The following DOCK5 variants were observed in gnomAD, a reference collection of about 807,000 sequenced individuals.
DOCK5 encodes the protein dedicator of cytokinesis 5, also known as dedicator of cytokinesis protein 5.
DOCK5 carries 142 observed loss-of-function variants against 251.8 expected under a neutral mutation model. The ratio of observed to expected loss-of-function variants is 0.56; its 90% confidence interval spans 0.49 to 0.65. The LOEUF is 0.65. Ranked by LOEUF, DOCK5 falls within the 30% of genes least tolerant of loss-of-function variation. The probability of loss-of-function intolerance (pLI) is 0.00; values close to 1 mark genes in which losing one functional copy is unlikely to be tolerated. For missense variants in DOCK5, 2,111 were observed against 2,312.3 expected (o/e 0.91, Z 1.79); for synonymous variants, 842 against 835.5 (o/e 1.01, Z -0.13).
chr8:25,372,049 G>A (rs1370058799), intron 34 of DOCK5, among the ~76,000 whole-genome samples: 1 of 152,220 alleles, frequency 6.6e-6, no homozygotes, highest in African/African-American at 2.4e-5. Flanking sequence ...CCGCATTGCA[G>A]GAGATGTACT....
Position 25,396,807 on chromosome 8 carries a change from A to G in DOCK5, c.4704+1088A>G, listed in dbSNP as rs544024300. Among the ~76,000 whole-genome samples, 12 of 139,694 alleles carry G rather than the reference A, an allele frequency of 8.6e-5. No individual in the cohort carries two copies. In the East Asian group the frequency reaches 2.3e-3, roughly 27 times the overall value. 91.6% of individuals were successfully genotyped at this position (139,694 alleles called of 152,430 possible). On this transcript the variant is annotated intron_variant, in intron 45 of 51. Transcript: ENST00000276440. ...GTGTGTGTGTGTGTGTGTCCCGGGA[A>G]GAGCAGGAGCTTTGCACTCAGTTGC...
In DOCK5 at chr8:25,275,413, T is replaced by A; in HGVS notation, c.196T>A (p.Leu66Met). 1 of 1,609,980 alleles carries A rather than the reference T, an allele frequency of 6.2e-7. No individual in the cohort carries two copies. Among genetic ancestry groups the A allele is most frequent in the African/African-American group, 1.3e-5 (1 of 74,698 alleles). ...KGIFPETYIH[L>M]KEATVEDLGQ... is the part of the protein sequence containing the mutation. Reference sequence around the variant, plus strand: ...CATTTTCCCTGAAACATATATCCATTTGAAAGAGGCAACTGTGGAAGACCT... The same window carrying A: ...CATTTTCCCTGAAACATATATCCATATGAAAGAGGCAACTGTGGAAGACCT... The change falls in exon 4 of 52, where the codon TTG becomes ATG. Residue 66 changes from leucine (L) to methionine (M), a missense_variant. Leu to Met is a conservative substitution (Grantham distance 15, BLOSUM62 2). Coordinates refer to ENST00000276440, the MANE Select transcript of DOCK5 (RefSeq NM_024940.8).
rs568201406 is a variant in DOCK5, at chr8:25,248,774, C to T, written c.127+5017C>T. Among the ~76,000 whole-genome samples the T allele has an allele frequency of 1.7e-4, 26 of 152,168 alleles. No individual in the cohort carries two copies. The South Asian group carries it at 4.2e-3, about 24-fold the overall frequency. ...CTGTGCCTCCCTAGCTCCTGGTATA[C>T]GGCAGGTGCTCAGCAACAATCTATT... On this transcript the variant is annotated intron_variant, in intron 2 of 51. Transcript: ENST00000276440.
intron 37 of DOCK5, chr8:25,376,395 T>C (rs1346934373): frequency 1.0e-6 from 1 of 983,550 alleles, no homozygotes; most frequent in Non-Finnish European, 1.2e-6. Flanking sequence ...ATTCTTATTT[T>C]GGGGGGAGGG....
intron 2 of DOCK5, among the ~76,000 whole-genome samples, chr8:25,259,056 G>A (rs1165459590): frequency 6.6e-6 from 1 of 152,188 alleles, no homozygotes; most frequent in Non-Finnish European, 1.5e-5. Context: ...GGGGGCGGAG[G>A]TTGCAGTGAG....
chr8:25,214,814 C>A (rs1802195556), intron 1 of DOCK5, among the ~76,000 whole-genome samples: 1 of 152,146 alleles, frequency 6.6e-6, no homozygotes, highest in Non-Finnish European at 1.5e-5. Context: ...GCGAGAGAGC[C>A]CCATCTGTCC....
intron 42 of DOCK5, 29 bp downstream of exon 42, chr8:25,390,316 A>G (rs1170324972): frequency 6.5e-7 from 1 of 1,536,484 alleles, no homozygotes; most frequent in East Asian, 2.4e-5. Context: ...AAAAAAAAAA[A>G]AAATCTGTGT....
Position 25,334,121 on chromosome 8 carries a change from A to C in DOCK5, c.2117A>C (p.Asp706Ala). ...ALVFIISLIG[D>A]IKFQHFNPVL... ...GTATTTATTATTTCACTGATAGGAG[A>C]CATCAAGTTCCAGCATTTTAATCCT... The change falls in exon 21 of 52, where the codon GAC becomes GCC. Residue 706 changes from aspartate (D) to alanine (A), a missense_variant. Coordinates refer to ENST00000276440, the MANE Select transcript of DOCK5 (RefSeq NM_024940.8). The C allele has an allele frequency of 6.2e-7, 1 of 1,613,822 alleles. No homozygotes were observed. Among genetic ancestry groups the C allele is most frequent in the Non-Finnish European group, 8.5e-7 (1 of 1,179,774 alleles).
Position 25,345,627 on chromosome 8 carries a change from A to G in DOCK5, c.2754+16A>G, listed in dbSNP as rs746428629. On this transcript the variant is annotated intron_variant, in intron 26 of 51. Coordinates refer to ENST00000276440, the MANE Select transcript of DOCK5 (RefSeq NM_024940.8). Reference sequence around the variant, plus strand: ...GAAGGATGTGGTGAGTTGAGTCATCACTGATGCTGCACAGAGTTCACACTG... The same window carrying G: ...GAAGGATGTGGTGAGTTGAGTCATCGCTGATGCTGCACAGAGTTCACACTG... 19 of 1,613,140 alleles carry G rather than the reference A, an allele frequency of 1.2e-5. No homozygotes were observed. In the Admixed American group the frequency reaches 3.0e-4, roughly 25 times the overall value.
rs200837761 is a variant in DOCK5 at position 25,217,187 on chromosome 8, G to T, written c.44-26487G>T. 4.0e-3 allele frequency among the ~76,000 whole-genome samples: 583 copies of T among 146,590 alleles called. 3 individuals are homozygous for T. The highest frequency in any genetic ancestry group is 7.3e-3 in the Middle Eastern group (2 of 274). On this transcript the variant is annotated intron_variant, in intron 1 of 51. Transcript: ENST00000276440. ...CTTTCCTGTTGTAGGGAGAGAGAGAGATATATATATATATACACATACACA... is the reference window on the plus strand; with the variant it reads ...CTTTCCTGTTGTAGGGAGAGAGAGATATATATATATATATACACATACACA...
intron 26 of DOCK5, among the ~76,000 whole-genome samples, chr8:25,345,912 C>T (rs898967351): frequency 5.9e-5 from 9 of 152,028 alleles, no homozygotes; most frequent in Admixed American, 4.6e-4. Flanking sequence ...TGCAGTGGCG[C>T]GATCTCGGCT....
At chr8:25,302,847 AG>A (rs1269779924) in intron 10 of DOCK5, among the ~76,000 whole-genome samples, 1 of 152,210 alleles carries the variant, frequency 6.6e-6, no homozygotes, top group Admixed American at 6.5e-5. Context: ...CACCTATATG[AG>A]GCACCTAGAG....
At chr8:25,379,997 G>A (rs1464432118) in intron 38 of DOCK5, among the ~76,000 whole-genome samples, 1 of 152,158 alleles carries the variant, frequency 6.6e-6, no homozygotes, top group Non-Finnish European at 1.5e-5. Flanking sequence ...CTACTTTGAA[G>A]TGCTGTAGGT....
At chr8:25,198,044 C>T (rs982888918) in intron 1 of DOCK5, among the ~76,000 whole-genome samples, 2 of 152,124 alleles carry the variant, frequency 1.3e-5, no homozygotes, top group Non-Finnish European at 2.9e-5. Flanking sequence ...GGCACTGTGC[C>T]GGTGTCTTTG....
At chr8:25,263,228 GT>G (rs1803639801) in intron 2 of DOCK5, among the ~76,000 whole-genome samples, 1 of 3,118 alleles carries the variant, frequency 3.2e-4, no homozygotes, top group Non-Finnish European at 3.4e-3. Context: ...CTCCTCCCTT[GT>G]TTGGGACGTT....
intron 38 of DOCK5, among the ~76,000 whole-genome samples, chr8:25,379,743 G>T (rs1023892586): frequency 3.0e-4 from 46 of 152,072 alleles, no homozygotes; most frequent in African/African-American, 1.0e-3. Context: ...ATGTTCCTCT[G>T]CCGCAGCTCC....
intron 2 of DOCK5, among the ~76,000 whole-genome samples, chr8:25,263,995 C>G (rs1803664231): frequency 6.6e-6 from 1 of 151,836 alleles, no homozygotes; most frequent in Non-Finnish European, 1.5e-5. Context: ...AATACAAATA[C>G]CTTTGAGAAT....
chr8:25,388,603 C>G (rs1801204128), intron 40 of DOCK5, among the ~76,000 whole-genome samples: 1 of 152,222 alleles, frequency 6.6e-6, no homozygotes, highest in African/African-American at 2.4e-5. Flanking sequence ...AGACACATTG[C>G]TTCTCCTCAT....
At position 25,369,602 on chromosome 8, in the gene DOCK5, G is replaced by A; in HGVS notation, c.3485G>A (p.Gly1162Asp). ...AAGCTGGACCAGGAGGTAGAAGGGGGCAGAGGAGACGAACAATACAAGGTT... is the reference window on the plus strand; with the variant it reads ...AAGCTGGACCAGGAGGTAGAAGGGGACAGAGGAGACGAACAATACAAGGTT... ...ITKLDQEVEG[G>D]RGDEQYKVLL... The change falls in exon 34 of 52, where the codon GGC (glycine) becomes GAC (aspartate). Residue 1162 changes from glycine (G) to aspartate (D), a missense_variant. Gly to Asp is a moderately conservative substitution (Grantham distance 94, BLOSUM62 -1). Transcript: ENST00000276440. 1 of 1,611,866 alleles carries A rather than the reference G, an allele frequency of 6.2e-7. No homozygotes were observed. Among genetic ancestry groups the A allele is most frequent in the Non-Finnish European group, 8.5e-7 (1 of 1,179,022 alleles).
Sources: allele counts gnomAD v4.1 joint callset (sites outside exome capture counted in the v4.1 genomes callset), GRCh38; gene constraint gnomAD v4.1.1; transcripts MANE v1.5; gene names NCBI Gene and HGNC (gene_info 2026-07-23, HGNC 2026-07-21).